Variants in LMTK3 observed in about 807,000 individuals in gnomAD.
LMTK3 encodes lemur tail kinase 3.
LMTK3 carries 27 observed loss-of-function variants against 116.7 expected under a neutral mutation model. The ratio of observed to expected loss-of-function variants is 0.23; its 90% confidence interval spans 0.17 to 0.32. The LOEUF (loss-of-function observed/expected upper bound fraction) is 0.32, where lower values mean the gene tolerates loss of function less well. LMTK3 is among the 10% of genes least tolerant of loss of function. The pLI is 1.00. For missense variants in LMTK3, 1,764 were observed against 2,068.5 expected (o/e 0.85, Z 2.86); for synonymous variants, 965 against 971.0 (o/e 0.99, Z 0.11).
upstream of LMTK3, chr19:48,513,509 A>G (rs943555464): frequency 1.2e-5 from 4 of 333,162 alleles, no homozygotes; most frequent in Non-Finnish European, 2.3e-5. The surrounding 1 kb of genome is among the most constrained non-coding windows in gnomAD (Gnocchi z 5.6). Context: ...TCTCGGGGTC[A>G]CATCCCACCC....
At position 48,504,401 on chromosome 19, in the gene LMTK3, C is replaced by G. The variant is rs575252132; in HGVS notation, c.558-1405G>C. ...CTCAGGCAAGCCACTTCGCTGCTCCCTGCCTCAGTTTTCCTCATCTGTAAA... is the reference window on the plus strand; with the variant it reads ...CTCAGGCAAGCCACTTCGCTGCTCCGTGCCTCAGTTTTCCTCATCTGTAAA... On this transcript the variant is annotated intron_variant, in intron 5 of 14. Coordinates refer to ENST00000600059, the MANE Select transcript of LMTK3 (RefSeq NM_001388485.1). 1.4e-4 allele frequency among the ~76,000 whole-genome samples: 22 copies of G among 152,334 alleles called. No individual in the cohort carries two copies. In the East Asian group the frequency reaches 3.9e-3, roughly 27 times the overall value.
chr19:48,509,061 C>G, intron 4 of LMTK3, 92 bp from the exon 5 acceptor site: 2 of 805,544 alleles, frequency 2.5e-6, no homozygotes, highest in South Asian at 1.7e-5. Context: ...CTCCCAACCC[C>G]CGGCTCCTTC....
At chr19:48,492,867 C>T (rs977025796) in intron 12 of LMTK3, among the ~76,000 whole-genome samples, 1 of 152,130 alleles carries the variant, frequency 6.6e-6, no homozygotes, top group Non-Finnish European at 1.5e-5. Context: ...CCGTCACAAG[C>T]CCTGCCCTCA....
At position 48,493,753 on chromosome 19, in the gene LMTK3, C is replaced by A. The variant is rs1972271474; in HGVS notation, c.4033G>T (p.Glu1345Ter). 2 of 1,567,924 alleles carry A rather than the reference C, an allele frequency of 1.3e-6. No individual in the cohort carries two copies. Among genetic ancestry groups the A allele is most frequent in the East Asian group, 2.4e-5 (1 of 41,472 alleles). The change falls in exon 12 of 15, where the codon GAG becomes TAG. Residue 1345 changes from glutamate to a stop codon, truncating the protein, a stop_gained. Coordinates refer to ENST00000600059, the MANE Select transcript of LMTK3 (RefSeq NM_001388485.1). LOFTEE classifies it high-confidence loss of function. ...GADEPEDSEL[E>*]RKRKMVSFHG... The stretch of plus-strand genomic sequence containing the variant: ...AAGGAGACCATCTTGCGCTTCCTCT[C>A]CAGCTCGCTGTCCTCTGGCTCGTCG...
Position 48,511,607 on chromosome 19 carries a change from G to T in LMTK3, c.-31C>A. On this transcript the variant is annotated 5_prime_UTR_variant, in exon 1 of 15. Coordinates refer to ENST00000600059, the MANE Select transcript of LMTK3 (RefSeq NM_001388485.1). ...CGAGGATGGCAGGGAGGTGGAGGTG[G>T]TGGCGGCTGGGGAGGAGGGGGGGGC... 1.8e-6 allele frequency: 2 copies of T among 1,089,346 alleles called. No homozygotes were observed. Among genetic ancestry groups the T allele is most frequent in the East Asian group, 3.1e-5 (1 of 31,962 alleles). 67.5% of individuals were successfully genotyped at this position (1,089,346 alleles called of 1,614,324 possible).
At position 48,499,490 on chromosome 19, in the gene LMTK3, T is replaced by C. The variant is rs1972417101; in HGVS notation, c.1579A>G (p.Ile527Val). ...ALSTPSVLPV[I>V]SARSPSVSSE... The stretch of plus-strand genomic sequence containing the variant: ...CTCACGGAGGGGCTGCGGGCGCTGA[T>C]GACAGGCAGCACGCTGGGCGTGGAC... Residue 527 changes from isoleucine (I) to valine (V), a missense_variant, in exon 11 of 15, where the codon ATC becomes GTC. This residue lies in a region of LMTK3 where 1,028 missense variants were observed against 1,050.6 expected (regional missense o/e 0.98). Transcript: ENST00000600059. 5 of 1,468,390 alleles carry C rather than the reference T, an allele frequency of 3.4e-6. No homozygotes were observed. The highest frequency in any genetic ancestry group is 4.5e-6 in the Non-Finnish European group (5 of 1,110,352). 91.0% of individuals were successfully genotyped at this position (1,468,390 alleles called of 1,614,324 possible). A position where few individuals can be genotyped will look rare whatever the true frequency, so the allele number is the denominator to read the frequency against.
rs367771648 is a variant in LMTK3, at chr19:48,501,597, C to T, written c.795-35G>A. On this transcript the variant is annotated intron_variant, in intron 7 of 14. Coordinates refer to ENST00000600059, the MANE Select transcript of LMTK3 (RefSeq NM_001388485.1). Reference sequence around the variant, plus strand: ...GAACGCGAGGAGGTGAGCGCAGGGGCAGCCCTCCAGCCACGCCCTGACCCC... The same window carrying T: ...GAACGCGAGGAGGTGAGCGCAGGGGTAGCCCTCCAGCCACGCCCTGACCCC... 8.3e-6 allele frequency: 13 copies of T among 1,561,222 alleles called. No homozygotes were observed. The African/African-American group carries it at 1.6e-4, about 20-fold the overall frequency.
intron 1 of LMTK3, 102 bp from the exon 2 acceptor site, chr19:48,510,694 TGCTCTGCGACCAGGGTCCCTTG>T (rs1972642897): frequency 1.5e-6 from 2 of 1,324,674 alleles, no homozygotes; most frequent in Non-Finnish European, 2.0e-6. Flanking sequence ...ACTCCCGTGA[TGCTCTGCGACCAGGGTCCCTTG>T]GCAGAGGTGC....
intron 6 of LMTK3, 119 bp from the exon 7 acceptor site, chr19:48,502,700 T>A: frequency 8.0e-7 from 1 of 1,244,366 alleles, no homozygotes; most frequent in Non-Finnish European, 1.1e-6. Context: ...TAGTTTCCTC[T>A]GCTGCTTGCA....
In LMTK3 at chr19:48,510,130, G is replaced by A. The variant is rs375578394; in HGVS notation, c.254C>T (p.Thr85Ile). Residue 85 changes from threonine (T) to isoleucine (I), a missense_variant, in exon 3 of 15, where the codon ACT becomes ATT. Physicochemically the swap from Thr to Ile is moderately conservative, Grantham distance 89. Around this residue, in one of 7 missense-constraint regions of LMTK3, gnomAD observed 271 missense variants for 478.2 expected, o/e 0.57. Coordinates refer to ENST00000600059, the MANE Select transcript of LMTK3 (RefSeq NM_001388485.1). ...PEGEDCSGEY[T>I]PPAEETSSSQ... The stretch of plus-strand genomic sequence containing the variant: ...GGAGGAGGTCTCCTCCGCAGGGGGA[G>A]TGTACTCCCCGGAGCAGTCCTCCCC... 13 of 1,613,836 alleles carry A rather than the reference G, an allele frequency of 8.1e-6. No homozygotes were observed. Among genetic ancestry groups the A allele is most frequent in the Non-Finnish European group, 1.1e-5 (13 of 1,179,872 alleles).
At chr19:48,488,019 C>T (rs752176851) in intron 14 of LMTK3, among the ~76,000 whole-genome samples, 12 of 152,134 alleles carry the variant, frequency 7.9e-5, no homozygotes, top group East Asian at 3.9e-4. Context: ...CTCAGCAGCT[C>T]GCAGCCCACG....
chr19:48,510,291 A>G (rs1972634338), intron 2 of LMTK3, 118 bp from the exon 3 acceptor site: 1 of 1,412,766 alleles, frequency 7.1e-7, no homozygotes, highest in Admixed American at 2.3e-5. Flanking sequence ...TCCCAGCCCA[A>G]TTTCCATCCC....
At chr19:48,490,106 C>G (rs1972196707) in intron 14 of LMTK3, among the ~76,000 whole-genome samples, 1 of 152,200 alleles carries the variant, frequency 6.6e-6, no homozygotes, top group South Asian at 2.1e-4. Flanking sequence ...ATGTGAAACG[C>G]CAGGAAAGAA....
intron 5 of LMTK3, among the ~76,000 whole-genome samples, chr19:48,503,574 TCCCAGC>T (rs1972510459): frequency 6.6e-6 from 1 of 152,010 alleles, no homozygotes; most frequent in African/African-American, 2.4e-5. Flanking sequence ...CACAGCCTCC[TCCCAGC>T]CTCCCTGGCT....
chr19:48,488,664 C>G (rs879626454), intron 14 of LMTK3, among the ~76,000 whole-genome samples: 2 of 152,112 alleles, frequency 1.3e-5, no homozygotes, highest in Non-Finnish European at 2.9e-5. Flanking sequence ...GCTGTCCCCT[C>G]TGCCAGCACG....
intron 14 of LMTK3, among the ~76,000 whole-genome samples, chr19:48,487,820 C>T (rs1446130085): frequency 2.0e-5 from 3 of 152,108 alleles, no homozygotes; most frequent in Non-Finnish European, 4.4e-5. Flanking sequence ...GCCCTCACTC[C>T]CAGTCCCTGA....
In LMTK3 at chr19:48,498,841, T is replaced by G. The variant is rs1320398549; in HGVS notation, c.2228A>C (p.Gln743Pro). The G allele has an allele frequency of 3.1e-6, 3 of 965,806 alleles. No homozygotes were observed. Among genetic ancestry groups the G allele is most frequent in the African/African-American group, 2.6e-5 (1 of 39,024 alleles). The allele number at this position is 965,806 out of a possible 1,614,324, so 59.8% of individuals were successfully genotyped here. The change falls in exon 11 of 15, where the codon CAG (glutamine) becomes CCG (proline). Residue 743 changes from glutamine (Q) to proline (P), a missense_variant. Coordinates refer to ENST00000600059, the MANE Select transcript of LMTK3 (RefSeq NM_001388485.1). ...LDPLMGAAAP[Q>P]YPGRGPPPAP... ...GGGAGGTGGCCCCCGCCCGGGGTACTGGGGCGCCGCCGCCCCCATGAGGGG... is the reference window on the plus strand; with the variant it reads ...GGGAGGTGGCCCCCGCCCGGGGTACGGGGGCGCCGCCGCCCCCATGAGGGG...
intron 14 of LMTK3, among the ~76,000 whole-genome samples, chr19:48,487,372 C>T (rs1972144673): frequency 6.6e-6 from 1 of 152,108 alleles, no homozygotes; most frequent in South Asian, 2.1e-4. Context: ...GACGGGGTTT[C>T]ACCATGTTGG....
Position 48,491,033 on chromosome 19 carries a change from G to A in LMTK3, c.4366+75C>T. ...AGAGAGGCAGGGACATTGAAAGATGGTCACAAGAAGTTGGCAGTGGAACAT... is the reference window on the plus strand; with the variant it reads ...AGAGAGGCAGGGACATTGAAAGATGATCACAAGAAGTTGGCAGTGGAACAT... On this transcript the variant is annotated intron_variant, in intron 14 of 14. Transcript: ENST00000600059. The surrounding 1 kb of genome is among the most constrained non-coding windows in gnomAD (Gnocchi z 5.1). 7 of 967,862 alleles carry A rather than the reference G, an allele frequency of 7.2e-6. No individual in the cohort carries two copies. Among genetic ancestry groups the A allele is most frequent in the Non-Finnish European group, 9.6e-6 (7 of 732,400 alleles). 60.0% of individuals were successfully genotyped at this position (967,862 alleles called of 1,614,324 possible).
Sources: gnomAD v4.1 joint callset for allele counts (sites outside exome capture counted in the v4.1 genomes callset) on GRCh38, gnomAD v4.1.1 for gene constraint, gnomAD v4.1.1 regional missense constraint, Gnocchi (gnomAD v3.1) non-coding constraint, MANE v1.5 for transcripts, NCBI Gene and HGNC (gene_info 2026-07-23, HGNC 2026-07-21) for gene names.